INSL6: variants seen among roughly 807,000 people sequenced by gnomAD.
The protein encoded by INSL6 is insulin like 6.
INSL6 carries 16 observed loss-of-function variants against 9.4 expected under a neutral mutation model. The ratio of observed to expected loss-of-function variants is 1.70; its 90% CI spans 1.15 to 2.59. INSL6 has a LOEUF of 2.59. Among genes scored for constraint, INSL6 ranks in the 30% most tolerant of loss-of-function variants. The probability of loss-of-function intolerance (pLI) is 0.00; values close to 1 mark genes in which losing one functional copy is unlikely to be tolerated. For synonymous variants in INSL6, 154 were observed against 96.9 expected (o/e 1.59, Z -3.46); for missense variants, 391 against 257.3 (o/e 1.52, Z -3.56).
At chr9:5,162,681 G>A (rs375039642), downstream of INSL6, among the ~76,000 whole-genome samples, 1 of 152,264 alleles carries the variant, frequency 6.6e-6, no homozygotes, top group South Asian at 2.1e-4. Flanking sequence ...ATAACTGAAT[G>A]CAGACTGTAC....
chr9:5,126,446 G>A (rs1399689279), intron 3 of INSL6: 1 of 1,589,298 alleles, frequency 6.3e-7, no homozygotes, highest in Admixed American at 1.7e-5. Flanking sequence ...GCCCAGATGA[G>A]GTAACAATTT....
chr9:5,125,037 A>C (rs543369345), intron 3 of INSL6, among the ~76,000 whole-genome samples: 4 of 151,566 alleles, frequency 2.6e-5, no homozygotes, highest in African/African-American at 9.6e-5. Flanking sequence ...TTATTGCATA[A>C]GTTAAAATAA....
the INSL6 span, among the ~76,000 whole-genome samples, chr9:5,061,475 T>C: frequency 6.6e-6 from 1 of 152,394 alleles, no homozygotes; most frequent in Admixed American, 6.5e-5. Flanking sequence ...ACTTATGCTG[T>C]GCACATGGCT....
the INSL6 span, among the ~76,000 whole-genome samples, chr9:5,104,530 A>G: frequency 6.6e-6 from 1 of 152,230 alleles, no homozygotes; most frequent in Non-Finnish European, 1.5e-5. Flanking sequence ...AATCAATGGA[A>G]AAAGAGGGAA....
chr9:5,143,832 G>C lies in INSL6; in HGVS notation c.377-10240C>G, dbSNP rs12345588. The stretch of plus-strand genomic sequence containing the variant: ...CCACCCCCACACCCTGCTAATTTTT[G>C]TATTTGTAGTAGAGACAGGGTTTCA... On this transcript the variant is annotated intron_variant, in intron 2 of 3. Transcript: ENST00000649639. Among the ~76,000 whole-genome samples the C allele has an allele frequency of 1.8e-3, 266 of 145,198 alleles. 1 individual carries two copies. Among genetic ancestry groups the C allele is most frequent in the African/African-American group, 6.4e-3 (252 of 39,098 alleles).
At chr9:5,043,569 C>A in the INSL6 span, among the ~76,000 whole-genome samples, 8 of 152,088 alleles carry the variant, frequency 5.3e-5, no homozygotes, top group African/African-American at 1.9e-4. Flanking sequence ...CAAAGAGTTA[C>A]CATATGACTC....
chr9:5,080,107 C>G, the INSL6 span: 1 of 738,644 alleles, frequency 1.4e-6, no homozygotes, highest in Non-Finnish European at 2.2e-6. Flanking sequence ...ACATCCAACC[C>G]CTCCAAAATA....
At position 5,185,570 on chromosome 9, in the gene INSL6, C is replaced by A. The variant is rs367825102; in HGVS notation, c.33G>T (p.Trp11Cys). MPRLLRLSLL[W>C]LGLLLVRFSR... Reference sequence around the variant, plus strand: ...AAAACCGAACCAGCAGGAGTCCAAGCCACAGCAGGGACAAGCGGAGGAGCC... The same window carrying A: ...AAAACCGAACCAGCAGGAGTCCAAGACACAGCAGGGACAAGCGGAGGAGCC... The change falls in exon 1 of 2, where the codon TGG becomes TGT. Residue 11 changes from tryptophan to cysteine, a missense_variant. Physicochemically the swap from Trp to Cys is radical, Grantham distance 215. Coordinates refer to ENST00000381641, the MANE Select transcript of INSL6 (RefSeq NM_007179.3). 1 of 1,613,932 alleles carries A rather than the reference C, an allele frequency of 6.2e-7. No individual in the cohort carries two copies. Among genetic ancestry groups the A allele is most frequent in the South Asian group, 1.1e-5 (1 of 91,052 alleles).
chr9:5,179,104 G>A (rs1474607879), intron 1 of INSL6, among the ~76,000 whole-genome samples: 1 of 149,910 alleles, frequency 6.7e-6, no homozygotes, highest in Non-Finnish European at 1.5e-5. Flanking sequence ...GAAAATTTCT[G>A]CAATCTATCC....
At chr9:5,029,981 G>A in the INSL6 span, 1 of 1,344,658 alleles carries the variant, frequency 7.4e-7, no homozygotes, top group East Asian at 2.4e-5. Flanking sequence ...TTTTTTAATT[G>A]CAAGGTACTT....
chr9:5,094,837 C>T, the INSL6 span: 2 of 152,038 alleles, frequency 1.3e-5, no homozygotes, highest in African/African-American at 4.8e-5. Context: ...AACTCTGTAC[C>T]ATAAATTTCA....
chr9:5,056,859 C>T, the INSL6 span, among the ~76,000 whole-genome samples: 1 of 152,110 alleles, frequency 6.6e-6, no homozygotes, highest in African/African-American at 2.4e-5. Flanking sequence ...GTCTGCAATA[C>T]AGAGAAGTTA....
intron 3 of INSL6, chr9:5,127,302 G>C: frequency 4.3e-6 from 1 of 232,196 alleles, no homozygotes; most frequent in East Asian, 6.1e-5. Context: ...AACAAATTAA[G>C]ATGTTCAGAT....
rs78555930 is a variant in INSL6, at chr9:5,149,155, G to A, written c.376+15024C>T. 4.6e-5 allele frequency among the ~76,000 whole-genome samples: 7 copies of A among 152,346 alleles called. No homozygotes were observed. In the East Asian group the frequency reaches 1.2e-3, roughly 25 times the overall value. ...CCTGCCACTTCACACATCTGTGGGA[G>A]TGTGGGGTCCCCTGTAGCAGCTAAG... On this transcript the variant is annotated intron_variant, in intron 2 of 3. Coordinates refer to the INSL6 transcript ENST00000649639.
At chr9:5,054,692 A>G in the INSL6 span, 1 of 1,613,492 alleles carries the variant, frequency 6.2e-7, no homozygotes, top group Non-Finnish European at 8.5e-7. The surrounding 1 kb of genome is among the most constrained non-coding windows in gnomAD (Gnocchi z 4.9). Context: ...CCACTGCCAG[A>G]AACTTGAAAC....
chr9:5,058,644 C>T, the INSL6 span, among the ~76,000 whole-genome samples: 1 of 152,198 alleles, frequency 6.6e-6, no homozygotes, highest in Non-Finnish European at 1.5e-5. Context: ...TTTTCCATAG[C>T]AGCGGCACCA....
chr9:5,165,150 G>A (rs954804572), intron 1 of INSL6, among the ~76,000 whole-genome samples: 16 of 152,172 alleles, frequency 1.1e-4, no homozygotes, highest in African/African-American at 2.7e-4. Context: ...GGAAGAAGTT[G>A]CAGTGAGCCG....
intron 2 of INSL6, among the ~76,000 whole-genome samples, chr9:5,138,202 T>C (rs903754145): frequency 7.9e-5 from 12 of 152,180 alleles, no homozygotes; most frequent in African/African-American, 2.9e-4. Context: ...GAGTTAGAAA[T>C]ACCATTTGAC....
the INSL6 span, among the ~76,000 whole-genome samples, chr9:5,048,484 AATCT>A: frequency 2.0e-5 from 3 of 152,132 alleles, no homozygotes; most frequent in Admixed American, 2.0e-4. Flanking sequence ...TATTAAAAAG[AATCT>A]ACCAAGTCAT....
Sources: allele counts gnomAD v4.1 joint callset (sites outside exome capture counted in the v4.1 genomes callset), GRCh38; gene constraint gnomAD v4.1.1; non-coding constraint Gnocchi (gnomAD v3.1); transcripts MANE v1.5; gene names NCBI Gene and HGNC (gene_info 2026-07-23, HGNC 2026-07-21).